The following LTN1 variants were observed in gnomAD, a reference collection of about 807,000 sequenced individuals.
The protein encoded by LTN1 is listerin E3 ubiquitin protein ligase 1, also known as E3 ubiquitin-protein ligase listerin.
Under a neutral mutation model 201.2 loss-of-function variants are expected in LTN1, and 88 were observed. The observed-to-expected ratio is 0.44, with a 90% CI of 0.37 to 0.52. The LOEUF is 0.52. Among genes scored for constraint, LTN1 ranks in the 20% least tolerant of loss-of-function variants. The pLI is 0.00. For missense variants in LTN1, 1,752 were observed against 2,038.7 expected (o/e 0.86, Z 2.71); for synonymous variants, 645 against 713.5 (o/e 0.90, Z 1.53).
chr21:28,991,278 G>A (rs1478858292), intron 1 of LTN1, among the ~76,000 whole-genome samples: 1 of 136,042 alleles, frequency 7.4e-6, no homozygotes, highest in Non-Finnish European at 1.6e-5. Context: ...GAGACAGAGC[G>A]ACCCTGTCTT....
chr21:28,968,061 A>G (rs2084541391), intron 9 of LTN1: 1 of 152,236 alleles, frequency 6.6e-6, no homozygotes, highest in African/African-American at 2.4e-5. Flanking sequence ...GAAAATTTAA[A>G]CAAAGTATTT....
At position 28,958,109 on chromosome 21, in the gene LTN1, GGTCTTTTCATAAGA is replaced by G. The variant is rs1345668005; in HGVS notation, c.2747+263_2747+276del. Among the ~76,000 whole-genome samples, 4 of 152,204 alleles carry G rather than the reference GGTCTTTTCATAAGA, an allele frequency of 2.6e-5. No homozygotes were observed. In the East Asian group the frequency reaches 7.7e-4, roughly 29 times the overall value. ...AAATGGTTTTGGAAAAATTCGTTTG[GGTCTTTTCATAAGA>G]GTCCTGTAGATTTGTTACCTAACAA... On this transcript the variant is annotated intron_variant, in intron 14 of 29. Transcript: ENST00000361371.
At chr21:28,982,735 T>C (rs1212062150) in intron 4 of LTN1, among the ~76,000 whole-genome samples, 3 of 152,228 alleles carry the variant, frequency 2.0e-5, no homozygotes, top group Non-Finnish European at 4.4e-5. Flanking sequence ...CCATACATTG[T>C]GCTCTGCTCC....
chr21:28,931,066 GGTGTGTGT>G (rs10608923), intron 29 of LTN1, 81 bp downstream of exon 29: 494 of 576,732 alleles, frequency 8.6e-4, no homozygotes, highest in East Asian at 3.9e-3. Flanking sequence ...ACATTGTGTA[GGTGTGTGT>G]GTGTGTGTGT....
intron 16 of LTN1, among the ~76,000 whole-genome samples, chr21:28,955,307 A>C (rs187221609): frequency 3.3e-5 from 5 of 152,262 alleles, no homozygotes; most frequent in Admixed American, 3.3e-4. Context: ...CTCTAAAAAA[A>C]CAAAGACAAA....
chr21:28,956,688 A>G (rs1297268727), intron 16 of LTN1, 74 bp downstream of exon 16: 4 of 696,152 alleles, frequency 5.7e-6, no homozygotes, highest in Non-Finnish European at 6.4e-6. Context: ...TTTAAACTGC[A>G]GTATAATCAA....
Position 28,967,145 on chromosome 21 carries a change from G to C in LTN1, c.1346C>G (p.Pro449Arg), listed in dbSNP as rs1006792444. 1 of 1,613,144 alleles carries C rather than the reference G, an allele frequency of 6.2e-7. No individual in the cohort carries two copies. The highest frequency in any genetic ancestry group is 8.5e-7 in the Non-Finnish European group (1 of 1,179,710). The change falls in exon 10 of 30, where the codon CCA (proline) becomes CGA (arginine). Residue 449 changes from proline to arginine, a missense_variant. By Grantham distance (103) the Pro-to-Arg change is moderately radical. This residue lies in a region of LTN1 where 1,211 missense variants were observed against 1,312.8 expected (regional missense o/e 0.92). Transcript: ENST00000361371. ...IPFIDAVLKD[P>R]GLQHGQLFNH... ...AAATAGCTGCCCATGTTGCAATCCT[G>C]GGTCTTTGAGAACTGCATCAATAAA...
Position 28,932,738 on chromosome 21 carries a change from T to A in LTN1, c.4876-74A>T, listed in dbSNP as rs766796368. On this transcript the variant is annotated intron_variant, in intron 27 of 29. Coordinates refer to ENST00000361371, the MANE Select transcript of LTN1 (RefSeq NM_015565.3). The stretch of plus-strand genomic sequence containing the variant: ...CCAGAAAACATTTTGATAGGTTGAC[T>A]ATTAAAAGCTAAAGACTTCATTCAA... 4.6e-5 allele frequency: 45 copies of A among 970,152 alleles called. 1 individual carries two copies. Among genetic ancestry groups the A allele is most frequent in the South Asian group, 3.4e-4 (23 of 66,958 alleles). The allele number at this position is 970,152 out of a possible 1,614,324, so 60.1% of individuals were successfully genotyped here.
At position 28,986,361 on chromosome 21, in the gene LTN1, A is replaced by T; in HGVS notation, c.247-124T>A. ...AATACACTATTTCTCTTTATGCCAT[A>T]TGAGACTAGTTTGAAGAGCTCTTTC... is the stretch of plus-strand genomic sequence containing the variant. On this transcript the variant is annotated intron_variant, in intron 2 of 29. Transcript: ENST00000361371. The surrounding 1 kb of genome is among the most constrained non-coding windows in gnomAD (Gnocchi z 4.1). 1 of 709,278 alleles carries T rather than the reference A, an allele frequency of 1.4e-6. No homozygotes were observed. The highest frequency in any genetic ancestry group is 2.5e-6 in the Non-Finnish European group (1 of 403,084). 43.9% of individuals were successfully genotyped at this position (709,278 alleles called of 1,614,324 possible). A position where few individuals can be genotyped will look rare whatever the true frequency, so the allele number is the denominator to read the frequency against.
rs1465776861 is a variant in LTN1 at position 28,929,637 on chromosome 21, T to G, written c.*811A>C. ...TACTCATTTATTTCTTCCCTCTCAA[T>G]AGAAGGATAACTACCACTCCGCTTC... On this transcript the variant is annotated 3_prime_UTR_variant, in exon 30 of 30. Coordinates refer to ENST00000361371, the MANE Select transcript of LTN1 (RefSeq NM_015565.3). 1 of 152,054 alleles carries G rather than the reference T, an allele frequency of 6.6e-6. No homozygotes were observed. Among genetic ancestry groups the G allele is most frequent in the African/African-American group, 2.4e-5 (1 of 41,416 alleles). The allele number at this position is 152,054 out of a possible 1,614,324, so 9.4% of individuals were successfully genotyped here. A position where few individuals can be genotyped will look rare whatever the true frequency, so the allele number is the denominator to read the frequency against.
chr21:28,957,044 A>G (rs1477693590), intron 15 of LTN1, 96 bp from the exon 16 acceptor site: 8 of 790,564 alleles, frequency 1.0e-5, no homozygotes, highest in Non-Finnish European at 1.3e-5. Flanking sequence ...TACCAAAACC[A>G]CAGAAACCTA....
chr21:28,984,481 A>G (rs973504032), intron 4 of LTN1, among the ~76,000 whole-genome samples: 2 of 152,176 alleles, frequency 1.3e-5, no homozygotes, highest in African/African-American at 2.4e-5. Context: ...GAAAATTTAA[A>G]TACTGTAGAA....
In LTN1 at chr21:28,970,177, T is replaced by A. The variant is rs192048047; in HGVS notation, c.1175+375A>T. Among the ~76,000 whole-genome samples the A allele has an allele frequency of 1.1e-3, 165 of 152,350 alleles. 2 individuals are homozygous for A. The highest frequency in any genetic ancestry group is 3.9e-3 in the African/African-American group (161 of 41,578). On this transcript the variant is annotated intron_variant, in intron 8 of 29. Transcript: ENST00000361371. The stretch of plus-strand genomic sequence containing the variant: ...ATAGTAGTTAAAGTTGTTGATGTTT[T>A]AAAAATTTCACTGGCTAATTTTCTG...
chr21:28,966,259 G>T, intron 10 of LTN1, 111 bp downstream of exon 10: 2 of 882,910 alleles, frequency 2.3e-6, no homozygotes, highest in East Asian at 2.6e-5. Flanking sequence ...AGAATATATT[G>T]CTTGTCCTAA....
intron 18 of LTN1, among the ~76,000 whole-genome samples, chr21:28,951,178 C>T (rs536429335): frequency 1.1e-4 from 17 of 152,334 alleles, no homozygotes; most frequent in African/African-American, 4.1e-4. Flanking sequence ...ACTTCTTACA[C>T]ATTCATGTGA....
rs1263428997 is a variant in LTN1, at chr21:28,988,283, A to G, written c.43-1349T>C. ...GAAGTTCGAAACCAGCCTCGGCAAC[A>G]TGGCAAAACCCTGTCTCTACCAAAA... On this transcript the variant is annotated intron_variant, in intron 1 of 29. Transcript: ENST00000361371. Among the ~76,000 whole-genome samples, 4 of 152,054 alleles carry G rather than the reference A, an allele frequency of 2.6e-5. No homozygotes were observed. In the South Asian group the frequency reaches 6.2e-4, roughly 24 times the overall value.
In LTN1 at chr21:28,992,836, C is replaced by G. The variant is rs1174869781; in HGVS notation, c.-31G>C. On this transcript the variant is annotated 5_prime_UTR_variant, in exon 1 of 30. Transcript: ENST00000361371. Reference sequence around the variant, plus strand: ...CGGTTGCAGCTGTACTCTGAGCACTCAGACCCCGGTTGACACGTCCGGGAC... The same window carrying G: ...CGGTTGCAGCTGTACTCTGAGCACTGAGACCCCGGTTGACACGTCCGGGAC... 4 of 1,614,218 alleles carry G rather than the reference C, an allele frequency of 2.5e-6. No homozygotes were observed. Among genetic ancestry groups the G allele is most frequent in the African/African-American group, 1.3e-5 (1 of 75,060 alleles).
In LTN1 at chr21:28,986,742, T is replaced by C; in HGVS notation, c.235A>G (p.Thr79Ala). ...ACAAGAAAACTTGCTTTTAATTTTG[T>C]GGTGACATCTTTCTTTGAAAGTTTC... ...LRKLSKKDVTTKLKAMQEFGT... is the reference protein window; with the variant it reads ...LRKLSKKDVTAKLKAMQEFGT... The change falls in exon 2 of 30, where the codon ACA becomes GCA. Residue 79 changes from threonine to alanine, a missense_variant. Transcript: ENST00000361371. The surrounding 1 kb of genome is among the most constrained non-coding windows in gnomAD (Gnocchi z 4.1). 6.2e-7 allele frequency: 1 copy of C among 1,608,670 alleles called. No homozygotes were observed. Among genetic ancestry groups the C allele is most frequent in the Non-Finnish European group, 8.5e-7 (1 of 1,178,012 alleles).
intron 1 of LTN1, among the ~76,000 whole-genome samples, chr21:28,992,003 G>A (rs2084750164): frequency 1.3e-5 from 2 of 152,172 alleles, no homozygotes; most frequent in Admixed American, 6.5e-5. Context: ...AGGTTCCGAG[G>A]ATAAAAACAT....
Sources: allele counts gnomAD v4.1 joint callset (sites outside exome capture counted in the v4.1 genomes callset), GRCh38; gene constraint gnomAD v4.1.1; regional missense constraint gnomAD v4.1.1; non-coding constraint Gnocchi (gnomAD v3.1); transcripts MANE v1.5; gene names NCBI Gene and HGNC (gene_info 2026-07-23, HGNC 2026-07-21).